Variants in TMCC1 observed in about 807,000 individuals in gnomAD.
The protein encoded by TMCC1 is transmembrane and coiled-coil domain family 1.
Under a neutral mutation model 52.4 loss-of-function variants are expected in TMCC1, and 15 were observed. The observed-to-expected ratio is 0.29, with a 90% CI of 0.19 to 0.44. TMCC1 has a LOEUF of 0.44. Ranked by LOEUF, TMCC1 falls within the 20% of genes least tolerant of loss-of-function variation. TMCC1 has a pLI of 1.00. For synonymous variants in TMCC1, 279 were observed against 301.9 expected (o/e 0.92, Z 0.79); for missense variants, 503 against 806.0 (o/e 0.62, Z 4.55).
At chr3:129,764,561 C>G (rs1017239276) in intron 4 of TMCC1, among the ~76,000 whole-genome samples, 3 of 151,922 alleles carry the variant, frequency 2.0e-5, no homozygotes, top group African/African-American at 7.3e-5. Context: ...TCAAGCAGAA[C>G]TGTAATCAAT....
chr3:129,885,307 T>C (rs2061642578), intron 1 of TMCC1, among the ~76,000 whole-genome samples: 1 of 152,034 alleles, frequency 6.6e-6, no homozygotes, highest in Non-Finnish European at 1.5e-5. Flanking sequence ...AAAGCAAAGG[T>C]GTCAAAGCAA....
intron 4 of TMCC1, among the ~76,000 whole-genome samples, chr3:129,741,588 T>G (rs773132083): frequency 2.6e-5 from 4 of 152,178 alleles, no homozygotes; most frequent in Non-Finnish European, 5.9e-5. Flanking sequence ...TTGTCTCTAA[T>G]TCTGTGCTGC....
intron 4 of TMCC1, among the ~76,000 whole-genome samples, chr3:129,806,396 T>C (rs2057468034): frequency 1.3e-5 from 2 of 152,208 alleles, no homozygotes; most frequent in African/African-American, 4.8e-5. Flanking sequence ...CCTCGTCTTA[T>C]GGAACACAGG....
chr3:129,669,436 ATT>A (rs746722233), intron 5 of TMCC1, among the ~76,000 whole-genome samples: 158 of 144,448 alleles, frequency 1.1e-3, no homozygotes, highest in African/African-American at 3.5e-3. Context: ...TTAGAAAAAA[ATT>A]TTTTTTTTTT....
chr3:129,699,976 C>T (rs1382778097), intron 4 of TMCC1, among the ~76,000 whole-genome samples: 2 of 152,130 alleles, frequency 1.3e-5, no homozygotes, highest in African/African-American at 2.4e-5. Flanking sequence ...AAGGAGCTGT[C>T]CATTACTATT....
chr3:129,751,452 C>G (rs1170316554), intron 4 of TMCC1, among the ~76,000 whole-genome samples: 1 of 152,008 alleles, frequency 6.6e-6, no homozygotes, highest in Non-Finnish European at 1.5e-5. Flanking sequence ...ATCCCTTGAG[C>G]CCAGGAGTTT....
At chr3:129,672,392 G>C (rs2088026975) in intron 4 of TMCC1, among the ~76,000 whole-genome samples, 1 of 152,204 alleles carries the variant, frequency 6.6e-6, no homozygotes, top group Non-Finnish European at 1.5e-5. Context: ...GAGGCCAAGA[G>C]TTTAAGACCA....
chr3:129,771,489 T>C (rs1453990941), intron 4 of TMCC1, among the ~76,000 whole-genome samples: 1 of 152,034 alleles, frequency 6.6e-6, no homozygotes, highest in East Asian at 1.9e-4. Context: ...GAAAGATTTA[T>C]GTGGGCTGGG....
intron 4 of TMCC1, among the ~76,000 whole-genome samples, chr3:129,717,672 T>A (rs1447010289): frequency 6.6e-6 from 1 of 152,224 alleles, no homozygotes; most frequent in Non-Finnish European, 1.5e-5. Flanking sequence ...ATTTCTTTCA[T>A]ACCTTACATC....
intron 2 of TMCC1, among the ~76,000 whole-genome samples, chr3:129,864,954 T>C (rs979569881): frequency 5.9e-5 from 9 of 152,196 alleles, no homozygotes; most frequent in African/African-American, 9.7e-5. Context: ...TTGGCAAACT[T>C]TGAAATGCCT....
At chr3:129,721,766 C>T (rs1346753917) in intron 4 of TMCC1, among the ~76,000 whole-genome samples, 1 of 150,586 alleles carries the variant, frequency 6.6e-6, no homozygotes, top group African/African-American at 2.4e-5. Flanking sequence ...GTCCCAGCTA[C>T]TCGTGAGGCT....
chr3:129,814,762 C>T (rs1232382489), intron 4 of TMCC1, among the ~76,000 whole-genome samples: 4 of 152,038 alleles, frequency 2.6e-5, no homozygotes, highest in Non-Finnish European at 5.9e-5. Context: ...ATACTTACAT[C>T]ATATAAAATA....
chr3:129,653,183 G>A (rs915727121), intron 6 of TMCC1, among the ~76,000 whole-genome samples: 1 of 152,080 alleles, frequency 6.6e-6, no homozygotes, highest in Non-Finnish European at 1.5e-5. Flanking sequence ...GCTAGGCTAT[G>A]TTATAATATA....
intron 2 of TMCC1, among the ~76,000 whole-genome samples, chr3:129,874,821 C>T (rs1350411680): frequency 6.6e-6 from 1 of 152,022 alleles, no homozygotes; most frequent in Admixed American, 6.6e-5. Context: ...TGCACCACTG[C>T]ACTCCAGCTG....
At chr3:129,708,561 CTA>C (rs1264680293) in intron 4 of TMCC1, among the ~76,000 whole-genome samples, 2 of 152,148 alleles carry the variant, frequency 1.3e-5, no homozygotes, top group Admixed American at 1.3e-4. Flanking sequence ...TTTCATTTAT[CTA>C]GATTCCAACT....
At chr3:129,795,738 G>A (rs555774050) in intron 4 of TMCC1, among the ~76,000 whole-genome samples, 10 of 152,272 alleles carry the variant, frequency 6.6e-5, no homozygotes, top group South Asian at 2.1e-4. Flanking sequence ...ACTGCATGCC[G>A]TTCTGAGTAG....
chr3:129,687,224 C>T (rs528105425), intron 4 of TMCC1, among the ~76,000 whole-genome samples: 5 of 152,150 alleles, frequency 3.3e-5, no homozygotes, highest in Admixed American at 2.6e-4. Context: ...GGAAACTTGG[C>T]TCTCCGAGAT....
intron 2 of TMCC1, chr3:129,847,555 ATTTG>A (rs1237890894): frequency 6.6e-6 from 1 of 152,148 alleles, no homozygotes; most frequent in Non-Finnish European, 1.5e-5. Context: ...AATACACCAA[ATTTG>A]TTTATCCATA....
At chr3:129,806,628 A>C (rs2057481125) in intron 4 of TMCC1, among the ~76,000 whole-genome samples, 1 of 152,232 alleles carries the variant, frequency 6.6e-6, no homozygotes, top group Non-Finnish European at 1.5e-5. Flanking sequence ...AAAAGTCTTT[A>C]ACATAAAAGA....
Sources: allele counts gnomAD v4.1 joint callset (sites outside exome capture counted in the v4.1 genomes callset), GRCh38; gene constraint gnomAD v4.1.1; transcripts MANE v1.5; gene names NCBI Gene and HGNC (gene_info 2026-07-23, HGNC 2026-07-21).